Variants in NEO1 observed in about 807,000 individuals in gnomAD.
NEO1 encodes neogenin.
Under a neutral mutation model 159.7 loss-of-function variants are expected in NEO1, and 63 were observed. The observed-to-expected ratio is 0.39, with a 90% CI of 0.32 to 0.49. NEO1 has a LOEUF of 0.49. NEO1 is among the 20% of genes least tolerant of loss of function. The pLI is 0.85. For synonymous variants in NEO1, 633 were observed against 662.0 expected, an observed-to-expected ratio of 0.96 and a Z score of 0.67; for missense variants, 1,615 against 1,831.0, an observed-to-expected ratio of 0.88 and a Z score of 2.15.
At chr15:73,210,698 G>T (rs527995741) in intron 7 of NEO1, among the ~76,000 whole-genome samples, 3 of 152,270 alleles carry the variant, frequency 2.0e-5, no homozygotes, top group African/African-American at 4.8e-5. Context: ...GAAACATTCT[G>T]GTCTTTTTGG....
intron 25 of NEO1, among the ~76,000 whole-genome samples, chr15:73,290,840 C>A (rs953608685): frequency 6.6e-6 from 1 of 152,086 alleles, no homozygotes; most frequent in African/African-American, 2.4e-5. Context: ...CGAGGTACAC[C>A]ATGACATCGT....
In NEO1 at chr15:73,145,455, T is replaced by A. The variant is rs567942145; in HGVS notation, c.1015+9428T>A. Among the ~76,000 whole-genome samples, 8 of 152,284 alleles carry A rather than the reference T, an allele frequency of 5.3e-5. No homozygotes were observed. The East Asian group carries it at 1.5e-3, about 29-fold the overall frequency. On this transcript the variant is annotated intron_variant, in intron 5 of 28. Transcript: ENST00000261908. ...ATAATTTGTTTTGATGAAATAAGGA[T>A]GTGTGCAAAGATTTATGCATGGAAG...
At chr15:73,265,801 C>T (rs1005790369) in intron 15 of NEO1, among the ~76,000 whole-genome samples, 14 of 152,144 alleles carry the variant, frequency 9.2e-5, no homozygotes, top group Non-Finnish European at 2.1e-4. Context: ...AGGCATGGCT[C>T]ATGAGGCATG....
At chr15:73,188,281 G>A (rs1033945347) in intron 7 of NEO1, among the ~76,000 whole-genome samples, 8 of 151,984 alleles carry the variant, frequency 5.3e-5, no homozygotes, top group Non-Finnish European at 7.4e-5. Flanking sequence ...AAATATCACT[G>A]CCCAAAGATA....
At position 73,289,198 on chromosome 15, in the gene NEO1, A is replaced by C; in HGVS notation, c.3702A>C (p.Arg1234Ser). The change falls in exon 25 of 29, where the codon AGA becomes AGC. Residue 1234 changes from arginine to serine, a missense_variant. By Grantham distance (110) the Arg-to-Ser change is moderately radical. Coordinates refer to ENST00000261908, the MANE Select transcript of NEO1 (RefSeq NM_002499.4). ...CACTGGCTGGAAGGCGAGGAATGAG[A>C]CCAAAAATGATGATGCCCTTTGACT... ...MSTLAGRRGM[R>S]PKMMMPFDSQ... The C allele has an allele frequency of 6.2e-7, 1 of 1,614,124 alleles. No homozygotes were observed. Among genetic ancestry groups the C allele is most frequent in the South Asian group, 1.1e-5 (1 of 91,068 alleles).
At chr15:73,293,673 A>T (rs2042245473) in intron 26 of NEO1, 125 bp downstream of exon 26, 1 of 1,056,460 alleles carries the variant, frequency 9.5e-7, no homozygotes, top group African/African-American at 1.6e-5. Context: ...AACTTAGCAT[A>T]ACATTTCTGT....
In NEO1 at chr15:73,254,747, G is replaced by A. The variant is rs752220815; in HGVS notation, c.2010G>A (p.Lys670=). 2 of 1,614,108 alleles carry A rather than the reference G, an allele frequency of 1.2e-6. No individual in the cohort carries two copies. Among genetic ancestry groups the A allele is most frequent in the Non-Finnish European group, 1.7e-6 (2 of 1,179,994 alleles). ...ATQNGQITGY[K]IRYRKASRKS... is the part of the protein sequence containing the mutation. ...AAAATGGGCAGATTACTGGCTACAA[G>A]ATTCGCTACCGAAAGGCCTCCCGAA... The change falls in exon 13 of 29, where the codon AAG becomes AAA. Residue 670 remains lysine, a synonymous_variant. Coordinates refer to ENST00000261908, the MANE Select transcript of NEO1 (RefSeq NM_002499.4).
chr15:73,212,894 T>C (rs2152094236), intron 7 of NEO1, among the ~76,000 whole-genome samples: 1 of 152,344 alleles, frequency 6.6e-6, no homozygotes, highest in Admixed American at 6.5e-5. Flanking sequence ...TTACATCATA[T>C]AGCAGTTTGT....
chr15:73,278,217 G>A lies in NEO1; in HGVS notation c.3262+18G>A, dbSNP rs373237030. On this transcript the variant is annotated intron_variant, in intron 22 of 28. Transcript: ENST00000261908. ...AATGAGCGGTAAAGCCTTTCCCATG[G>A]CGTTTTTTGCTTACTATGGACATGA... 8.1e-6 allele frequency: 13 copies of A among 1,606,126 alleles called. No individual in the cohort carries two copies. Among genetic ancestry groups the A allele is most frequent in the South Asian group, 2.2e-5 (2 of 90,526 alleles).
chr15:73,147,110 T>C (rs1348508550), intron 5 of NEO1, among the ~76,000 whole-genome samples: 1 of 152,198 alleles, frequency 6.6e-6, no homozygotes, highest in East Asian at 1.9e-4. Flanking sequence ...AATTAATTTA[T>C]TTACTTGAAC....
chr15:73,078,344 G>A (rs1334885226), intron 1 of NEO1, among the ~76,000 whole-genome samples: 2 of 152,204 alleles, frequency 1.3e-5, no homozygotes, highest in Non-Finnish European at 2.9e-5. Context: ...ACTGTATTCA[G>A]TTGTGTTGCC....
chr15:73,227,110 A>G (rs530281296), intron 7 of NEO1, among the ~76,000 whole-genome samples: 1 of 152,228 alleles, frequency 6.6e-6, no homozygotes, highest in Non-Finnish European at 1.5e-5. Flanking sequence ...AATCTAATGT[A>G]TTGAAACTGG....
intron 24 of NEO1, 116 bp from the exon 25 acceptor site, chr15:73,289,030 T>C: frequency 1.4e-6 from 1 of 726,366 alleles, no homozygotes. Context: ...AGAAATGTCT[T>C]GTCCCCATTA....
Position 73,274,732 on chromosome 15 carries a change from A to C in NEO1, c.3193+8A>C, listed in dbSNP as rs1428519256. On this transcript the variant is annotated splice_region_variant and intron_variant, in intron 21 of 28. Transcript: ENST00000261908. ...AAATGCCTAATGATCAAGGTAAATG[A>C]GTAGATGGCCTCTCTTTTCTTTCCT... 1.2e-6 allele frequency: 2 copies of C among 1,611,492 alleles called. No homozygotes were observed. Among genetic ancestry groups the C allele is most frequent in the Admixed American group, 3.3e-5 (2 of 59,880 alleles).
Position 73,122,784 on chromosome 15 carries a change from A to G in NEO1, c.708A>G (p.Glu236=), listed in dbSNP as rs1460124386. ...GGPPKYSDEV[E]LKVLPDPEVI... ...CACCAAAGTATAGTGATGAAGTTGA[A>G]TTGAAGGTTCTTCCAGGTATTAACT... Residue 236 remains glutamate (E), a synonymous_variant, in exon 3 of 29, where the codon GAA becomes GAG. Coordinates refer to ENST00000261908, the MANE Select transcript of NEO1 (RefSeq NM_002499.4). 8 of 1,614,144 alleles carry G rather than the reference A, an allele frequency of 5.0e-6. No homozygotes were observed. The highest frequency in any genetic ancestry group is 6.8e-6 in the Non-Finnish European group (8 of 1,179,964).
intron 1 of NEO1, among the ~76,000 whole-genome samples, chr15:73,110,940 C>A (rs1011188315): frequency 6.6e-6 from 1 of 151,824 alleles, no homozygotes; most frequent in African/African-American, 2.4e-5. Flanking sequence ...ATCTCCTGTT[C>A]CAAGCAAAGG....
At position 73,228,165 on chromosome 15, in the gene NEO1, T is replaced by C. The variant is rs982889155; in HGVS notation, c.1292-8182T>C. ...GTCCAGAAATTATCAAAGACTTTTA[T>C]AAATGCCAACCAGTCATCAAGGGCC... On this transcript the variant is annotated intron_variant, in intron 7 of 28. Transcript: ENST00000261908. 5.9e-5 allele frequency among the ~76,000 whole-genome samples: 9 copies of C among 152,214 alleles called. 1 individual carries two copies. The highest frequency in any genetic ancestry group is 5.2e-4 in the Admixed American group (8 of 15,280).
At chr15:73,217,043 T>C (rs2037934002) in intron 7 of NEO1, among the ~76,000 whole-genome samples, 1 of 152,208 alleles carries the variant, frequency 6.6e-6, no homozygotes. Flanking sequence ...GGTTTTCTTC[T>C]AGGGTTTTTA....
At chr15:73,282,445 A>G (rs568731387) in intron 22 of NEO1, among the ~76,000 whole-genome samples, 90 of 152,336 alleles carry the variant, frequency 5.9e-4, no homozygotes, top group Non-Finnish European at 8.5e-4. Context: ...TGAACAAGAG[A>G]ATTAACTCTG....
Sources: gnomAD v4.1 joint callset for allele counts (sites outside exome capture counted in the v4.1 genomes callset) on GRCh38, gnomAD v4.1.1 for gene constraint, MANE v1.5 for transcripts, NCBI Gene and HGNC (gene_info 2026-07-23, HGNC 2026-07-21) for gene names.